The following RANBP17 variants were observed in gnomAD, a reference collection of about 807,000 sequenced individuals.
RANBP17 encodes the protein ran-binding protein 17.
A neutral mutation model predicts 141.2 loss-of-function variants in RANBP17; 158 were observed. The ratio of observed to expected loss-of-function variants is 1.12; its 90% CI spans 0.98 to 1.28. The LOEUF (loss-of-function observed/expected upper bound fraction) is 1.28. Ranked by LOEUF, RANBP17 falls within the 50% of genes most tolerant of loss-of-function variation. The probability of loss-of-function intolerance (pLI) is 0.00; values close to 1 mark genes in which losing one functional copy is unlikely to be tolerated. For synonymous variants in RANBP17, 430 were observed against 450.0 expected (o/e 0.96, Z 0.56); for missense variants, 1,438 against 1,290.7 (o/e 1.11, Z -1.75).
At chr5:170,902,000 T>C (rs1017432479) in intron 5 of RANBP17, among the ~76,000 whole-genome samples, 1 of 152,210 alleles carries the variant, frequency 6.6e-6, no homozygotes, top group African/African-American at 2.4e-5. Flanking sequence ...TTATGTGTCT[T>C]GGGGTTGCTC....
chr5:170,865,418 A>C (rs905270993), intron 1 of RANBP17, among the ~76,000 whole-genome samples: 1 of 152,130 alleles, frequency 6.6e-6, no homozygotes, highest in East Asian at 1.9e-4. Context: ...GCCCGAGGTC[A>C]CTTAATAAGT....
At chr5:171,055,842 T>C (rs964218479) in intron 14 of RANBP17, among the ~76,000 whole-genome samples, 4 of 128,326 alleles carry the variant, frequency 3.1e-5, no homozygotes, top group Admixed American at 1.9e-4. Context: ...GTCAAAGCCT[T>C]GGCAAAACAA....
intron 13 of RANBP17, among the ~76,000 whole-genome samples, chr5:170,954,232 A>G (rs1775428970): frequency 6.6e-6 from 1 of 152,212 alleles, no homozygotes; most frequent in Admixed American, 6.5e-5. Context: ...TAACAGCGTC[A>G]TACATGTTTT....
At chr5:170,920,803 A>T (rs977268645) in intron 11 of RANBP17, among the ~76,000 whole-genome samples, 2 of 152,096 alleles carry the variant, frequency 1.3e-5, no homozygotes, top group African/African-American at 4.8e-5. Context: ...CTGGCATGAG[A>T]TGGTATCTCA....
At chr5:171,187,371 G>A (rs1026947857) in intron 18 of RANBP17, among the ~76,000 whole-genome samples, 8 of 151,960 alleles carry the variant, frequency 5.3e-5, no homozygotes, top group Non-Finnish European at 7.4e-5. Flanking sequence ...ACACGAAGTA[G>A]GTTCATGATG....
At chr5:171,243,263 G>T (rs1268188358) in intron 24 of RANBP17, among the ~76,000 whole-genome samples, 1 of 152,114 alleles carries the variant, frequency 6.6e-6, no homozygotes, top group Admixed American at 6.5e-5. Flanking sequence ...TTACATTCAA[G>T]TGGAATTGTA....
intron 14 of RANBP17, among the ~76,000 whole-genome samples, chr5:171,006,743 T>TA (rs59337087): frequency 0.62 from 87,971 of 142,828 alleles, 27,761 homozygotes; most frequent in South Asian, 0.87. Context: ...CTTAAAGTAT[T>TA]AAAAAAAAAA....
At chr5:170,897,998 A>G (rs1416030244) in intron 5 of RANBP17, among the ~76,000 whole-genome samples, 1 of 152,162 alleles carries the variant, frequency 6.6e-6, no homozygotes, top group Non-Finnish European at 1.5e-5. Flanking sequence ...GTCTTCCGTA[A>G]TGGTTAAACT....
intron 14 of RANBP17, among the ~76,000 whole-genome samples, chr5:170,996,708 A>G (rs903143812): frequency 6.6e-6 from 1 of 152,200 alleles, no homozygotes; most frequent in Non-Finnish European, 1.5e-5. Flanking sequence ...CTTAGGTTAC[A>G]TTGTCATCAT....
At chr5:170,877,163 T>C (rs1047488429) in intron 1 of RANBP17, among the ~76,000 whole-genome samples, 7 of 152,170 alleles carry the variant, frequency 4.6e-5, no homozygotes, top group Non-Finnish European at 2.9e-5. Context: ...ACATAACTGG[T>C]TATTACATTG....
At chr5:171,102,548 G>C (rs1787245603) in intron 14 of RANBP17, among the ~76,000 whole-genome samples, 1 of 151,832 alleles carries the variant, frequency 6.6e-6, no homozygotes, top group African/African-American at 2.4e-5. Context: ...CATGCTTCTT[G>C]AGCTCAGAGG....
chr5:171,163,872 T>G (rs1468898701), intron 14 of RANBP17, among the ~76,000 whole-genome samples: 1 of 152,168 alleles, frequency 6.6e-6, no homozygotes, highest in Admixed American at 6.5e-5. Flanking sequence ...ACTGCACTGT[T>G]AATTTTCTGC....
chr5:171,000,055 A>G (rs900093198), intron 14 of RANBP17, among the ~76,000 whole-genome samples: 2 of 152,190 alleles, frequency 1.3e-5, no homozygotes, highest in African/African-American at 4.8e-5. Flanking sequence ...GGTAGCTTAT[A>G]TTGTAGCAGA....
chr5:171,248,989 A>C (rs1765390436), intron 24 of RANBP17, among the ~76,000 whole-genome samples: 1 of 152,108 alleles, frequency 6.6e-6, no homozygotes, highest in Non-Finnish European at 1.5e-5. Context: ...AACTGCCAAC[A>C]CAAGTGCCAG....
At chr5:171,146,998 T>C (rs1758065688) in intron 14 of RANBP17, among the ~76,000 whole-genome samples, 1 of 152,208 alleles carries the variant, frequency 6.6e-6, no homozygotes, top group Admixed American at 6.5e-5. Context: ...TATGTGAGCG[T>C]TAAATTAGTA....
intron 25 of RANBP17, among the ~76,000 whole-genome samples, chr5:171,292,198 G>C (rs976347893): frequency 6.8e-6 from 1 of 146,290 alleles, no homozygotes; most frequent in Non-Finnish European, 1.5e-5. Context: ...CCAAGCTTAA[G>C]TCCTCTCCCC....
chr5:171,283,565 A>C (rs983086656), intron 25 of RANBP17, among the ~76,000 whole-genome samples: 9 of 152,220 alleles, frequency 5.9e-5, no homozygotes, highest in Admixed American at 3.9e-4. Flanking sequence ...GTTTAAATAT[A>C]AACTCTAATA....
intron 14 of RANBP17, among the ~76,000 whole-genome samples, chr5:171,063,042 A>T (rs1449335527): frequency 6.6e-6 from 1 of 151,990 alleles, no homozygotes; most frequent in African/African-American, 2.4e-5. Context: ...TGTATTGGTT[A>T]TTCTAGTTAT....
Position 170,976,096 on chromosome 5 carries a change from G to A in RANBP17, c.1710+7719G>A, listed in dbSNP as rs1176816315. ...GCAGATGACATGATCTTATGTATAG[G>A]AAATCCTAAGGATCCACTGAAAAAC... On this transcript the variant is annotated intron_variant, in intron 14 of 27. Coordinates refer to ENST00000523189, the MANE Select transcript of RANBP17 (RefSeq NM_022897.5). Among the ~76,000 whole-genome samples, 6 of 152,028 alleles carry A rather than the reference G, an allele frequency of 3.9e-5. No homozygotes were observed. The East Asian group carries it at 9.7e-4, about 24-fold the overall frequency.
Sources: allele counts gnomAD v4.1 joint callset (sites outside exome capture counted in the v4.1 genomes callset), GRCh38; gene constraint gnomAD v4.1.1; transcripts MANE v1.5; gene names NCBI Gene and HGNC (gene_info 2026-07-23, HGNC 2026-07-21).